The following PARD3B variants were observed in gnomAD, a reference collection of about 807,000 sequenced individuals.
PARD3B encodes par-3 family cell polarity regulator beta.
Under a neutral mutation model 130.2 loss-of-function variants are expected in PARD3B, and 103 were observed. The observed-to-expected ratio is 0.79, with a 90% CI of 0.67 to 0.93. PARD3B has a LOEUF of 0.93. PARD3B is among the 40% of genes least tolerant of loss of function. The pLI is 0.00. For synonymous variants in PARD3B, 583 were observed against 553.2 expected (o/e 1.05, Z -0.76); for missense variants, 1,609 against 1,499.2 (o/e 1.07, Z -1.21).
intron 1 of PARD3B, among the ~76,000 whole-genome samples, chr2:204,617,811 C>T (rs1318257138): frequency 2.0e-5 from 3 of 152,162 alleles, no homozygotes; most frequent in Non-Finnish European, 4.4e-5. Context: ...GTTTTCTGTT[C>T]CTGTGTTAAG....
intron 2 of PARD3B, among the ~76,000 whole-genome samples, chr2:204,748,389 G>A (rs1183814877): frequency 6.6e-6 from 1 of 152,026 alleles, no homozygotes; most frequent in African/African-American, 2.4e-5. Context: ...GAATATACTA[G>A]GACAGATGTC....
At chr2:205,024,813 G>A (rs1222446567) in intron 3 of PARD3B, among the ~76,000 whole-genome samples, 2 of 152,144 alleles carry the variant, frequency 1.3e-5, no homozygotes, top group African/African-American at 4.8e-5. Context: ...TATAACTAAT[G>A]ATCATGTGGT....
In PARD3B at chr2:205,458,099, T is replaced by C. The variant is rs753628990; in HGVS notation, c.3044+17427T>C. The stretch of plus-strand genomic sequence containing the variant: ...CTTTTTGTCTTGGTTTTCAGCAGTT[T>C]TACTGTGATGTGTCTGTGAGCGTGT... On this transcript the variant is annotated intron_variant, in intron 20 of 22. Transcript: ENST00000406610. This position sits in a 1 kb window ranked among gnomAD's most constrained non-coding sequence, Gnocchi z 4.8. Among the ~76,000 whole-genome samples, 1 of 152,142 alleles carries C rather than the reference T, an allele frequency of 6.6e-6. No individual in the cohort carries two copies. The highest frequency in any genetic ancestry group is 1.5e-5 in the Non-Finnish European group (1 of 68,010).
intron 18 of PARD3B, among the ~76,000 whole-genome samples, chr2:205,322,625 G>A (rs1376487637): frequency 6.6e-6 from 1 of 152,206 alleles, no homozygotes; most frequent in East Asian, 1.9e-4. Context: ...ATAGCTAACT[G>A]GAGATAGTTT....
At chr2:205,542,310 G>T (rs2052185542) in intron 21 of PARD3B, among the ~76,000 whole-genome samples, 1 of 150,504 alleles carries the variant, frequency 6.6e-6, no homozygotes, top group South Asian at 2.1e-4. Flanking sequence ...AAGAGGCTGA[G>T]TTTTTTTTCT....
At chr2:204,657,764 T>A (rs2035685198) in intron 1 of PARD3B, among the ~76,000 whole-genome samples, 1 of 152,216 alleles carries the variant, frequency 6.6e-6, no homozygotes, top group African/African-American at 2.4e-5. Flanking sequence ...CTTTACTTAA[T>A]TTTAAATAGT....
At chr2:205,507,152 C>T (rs1259348147) in intron 21 of PARD3B, among the ~76,000 whole-genome samples, 2 of 140,698 alleles carry the variant, frequency 1.4e-5, no homozygotes, top group African/African-American at 2.6e-5. Flanking sequence ...GCCTGGATCA[C>T]GTGTCCACTT....
At chr2:204,855,620 T>C (rs1030267769) in intron 2 of PARD3B, among the ~76,000 whole-genome samples, 1 of 151,674 alleles carries the variant, frequency 6.6e-6, no homozygotes, top group Non-Finnish European at 1.5e-5. Flanking sequence ...GTGGTCACCA[T>C]GCAGTGCAGT....
intron 15 of PARD3B, among the ~76,000 whole-genome samples, chr2:205,224,967 C>T (rs1574440408): frequency 6.6e-6 from 1 of 151,764 alleles, no homozygotes; most frequent in African/African-American, 2.4e-5. Context: ...CATGTAGTAC[C>T]TGATTATTTA....
intron 3 of PARD3B, among the ~76,000 whole-genome samples, chr2:205,024,682 T>C (rs1047992999): frequency 1.3e-5 from 2 of 152,214 alleles, no homozygotes; most frequent in African/African-American, 4.8e-5. Flanking sequence ...AATTTCCTCA[T>C]AGATCTATAA....
chr2:205,140,478 G>A (rs985147685), intron 10 of PARD3B, among the ~76,000 whole-genome samples: 14 of 130,412 alleles, frequency 1.1e-4, no homozygotes, highest in East Asian at 7.1e-4. Flanking sequence ...AAAAAAGGAA[G>A]ACCGTTCCTT....
At chr2:204,838,872 A>G (rs2044158325) in intron 2 of PARD3B, among the ~76,000 whole-genome samples, 1 of 152,202 alleles carries the variant, frequency 6.6e-6, no homozygotes, top group Admixed American at 6.5e-5. Flanking sequence ...AAAAATTTAA[A>G]AAAACAACAA....
intron 2 of PARD3B, among the ~76,000 whole-genome samples, chr2:204,821,582 C>T (rs1008369613): frequency 2.6e-5 from 4 of 151,458 alleles, no homozygotes; most frequent in Non-Finnish European, 5.9e-5. Context: ...TTAGGAGATA[C>T]ACCTAATGCT....
chr2:204,596,921 T>A (rs1254169577), intron 1 of PARD3B, among the ~76,000 whole-genome samples: 2 of 151,046 alleles, frequency 1.3e-5, no homozygotes, highest in Non-Finnish European at 3.0e-5. Flanking sequence ...TCACTCACTC[T>A]CTCTCTCTCT....
intron 16 of PARD3B, among the ~76,000 whole-genome samples, chr2:205,249,557 T>C (rs1425188076): frequency 6.6e-6 from 1 of 152,134 alleles, no homozygotes; most frequent in Non-Finnish European, 1.5e-5. Flanking sequence ...GTAAAATAAA[T>C]CTTTATAATA....
At chr2:204,946,265 C>G (rs1415844634) in intron 2 of PARD3B, among the ~76,000 whole-genome samples, 1 of 152,188 alleles carries the variant, frequency 6.6e-6, no homozygotes, top group African/African-American at 2.4e-5. Flanking sequence ...AGACGTGTCT[C>G]TTGGCTGTAG....
intron 1 of PARD3B, among the ~76,000 whole-genome samples, chr2:204,552,028 G>A (rs932194965): frequency 2.6e-5 from 4 of 152,176 alleles, no homozygotes; most frequent in Non-Finnish European, 4.4e-5. Context: ...TGCAACTGAG[G>A]AACTGAATTT....
Position 205,023,583 on chromosome 2 carries a change from G to A in PARD3B, c.395-23998G>A, listed in dbSNP as rs374218189. Among the ~76,000 whole-genome samples, 10 of 120,940 alleles carry A rather than the reference G, an allele frequency of 8.3e-5. No homozygotes were observed. In the East Asian group the frequency reaches 1.5e-3, roughly 19 times the overall value. The allele number at this position is 120,940 out of a possible 152,430, so 79.3% of individuals were successfully genotyped here. A position where few individuals can be genotyped will look rare whatever the true frequency, so the allele number is the denominator to read the frequency against. ...TTTTTTTAAACTGGGAATACCATGA[G>A]TCTGACCTTGTTCGCAGTTCCCAAG... On this transcript the variant is annotated intron_variant, in intron 3 of 22. Transcript: ENST00000406610.
intron 15 of PARD3B, among the ~76,000 whole-genome samples, chr2:205,228,950 C>T (rs182655556): frequency 1.9e-3 from 283 of 152,268 alleles, no homozygotes; most frequent in African/African-American, 6.0e-3. Context: ...CTGTTTGATT[C>T]TTTTTAATTA....
Sources: allele counts gnomAD v4.1 joint callset (sites outside exome capture counted in the v4.1 genomes callset), GRCh38; gene constraint gnomAD v4.1.1; non-coding constraint Gnocchi (gnomAD v3.1); transcripts MANE v1.5; gene names NCBI Gene and HGNC (gene_info 2026-07-23, HGNC 2026-07-21).